The following PHGDH variants were observed in gnomAD, a reference collection of about 807,000 sequenced individuals.
The protein encoded by PHGDH is D-3-phosphoglycerate dehydrogenase.
Under a neutral mutation model 52.6 loss-of-function variants are expected in PHGDH, and 50 were observed. The observed-to-expected ratio is 0.95, with a 90% confidence interval of 0.76 to 1.20. The LOEUF is 1.20. Ranked by LOEUF, PHGDH falls within the 50% of genes most tolerant of loss-of-function variation. The pLI, the probability that PHGDH is intolerant of heterozygous loss-of-function variation, is 0.00. For synonymous variants in PHGDH, 271 were observed against 280.5 expected (o/e 0.97, Z 0.34); for missense variants, 630 against 684.6 (o/e 0.92, Z 0.89).
Position 119,735,278 on chromosome 1 carries a change from G to A in PHGDH, c.644-17G>A. 1.9e-6 allele frequency: 3 copies of A among 1,614,128 alleles called. No individual in the cohort carries two copies. The highest frequency in any genetic ancestry group is 2.5e-6 in the Non-Finnish European group (3 of 1,180,020). The stretch of plus-strand genomic sequence containing the variant: ...CCTGGTGCTGCCCCAGCAGGAAGAT[G>A]CTTCGCTTTCTTCCAGGCTTGCTGA... On this transcript the variant is annotated splice_polypyrimidine_tract_variant and intron_variant, in intron 6 of 11. Coordinates refer to ENST00000641023, the MANE Select transcript of PHGDH (RefSeq NM_006623.4).
chr1:119,726,814 C>A (rs779749483), intron 3 of PHGDH, 37 bp from the exon 4 acceptor site: 6 of 1,590,610 alleles, frequency 3.8e-6, no homozygotes, highest in Non-Finnish European at 5.2e-6. Context: ...TGGCGGGAGT[C>A]CGAATGGACC....
intron 6 of PHGDH, 121 bp from the exon 7 acceptor site, chr1:119,735,174 C>A: frequency 7.6e-7 from 1 of 1,319,934 alleles, no homozygotes; most frequent in Non-Finnish European, 1.1e-6. Context: ...AGGCTGCCGT[C>A]CAGCAGGAGA....
chr1:119,742,666 C>G lies in PHGDH; in HGVS notation c.1210-141C>G, dbSNP rs377666313. ...GGGCACACAGCTTGGCCCATTTGCC[C>G]TCTCCCTTCTGGTCCTGAATTACTG... On this transcript the variant is annotated intron_variant, in intron 10 of 11. Coordinates refer to ENST00000641023, the MANE Select transcript of PHGDH (RefSeq NM_006623.4). The G allele has an allele frequency of 6.4e-5, 44 of 690,814 alleles. 1 individual carries two copies. In the African/African-American group the frequency reaches 6.5e-4, roughly 10 times the overall value. The allele number at this position is 690,814 out of a possible 1,614,324, so 42.8% of individuals were successfully genotyped here.
At chr1:119,715,859 CAAAG>C (rs1650909596) in intron 1 of PHGDH, 1 of 152,368 alleles carries the variant, frequency 6.6e-6, no homozygotes, top group African/African-American at 2.4e-5. Flanking sequence ...CAAGGAATGA[CAAAG>C]AGAGGGGAGG....
intron 5 of PHGDH, among the ~76,000 whole-genome samples, chr1:119,733,693 A>G (rs587745483): frequency 3.9e-5 from 6 of 152,328 alleles, no homozygotes; most frequent in East Asian, 3.9e-4. Flanking sequence ...GTAATTTATG[A>G]ATAATGTAGT....
chr1:119,737,148 A>C lies in PHGDH; in HGVS notation c.827A>C (p.Glu276Ala), dbSNP rs1651975372. 1.9e-6 allele frequency: 3 copies of C among 1,614,074 alleles called. No individual in the cohort carries two copies. The highest frequency in any genetic ancestry group is 1.7e-5 in the Admixed American group (1 of 60,010). The change falls in exon 8 of 12, where the codon GAG becomes GCG. Residue 276 changes from glutamate to alanine, a missense_variant. Glu to Ala is a moderately radical substitution (Grantham distance 107). Transcript: ENST00000641023. ...CGGGACCGGGCCTTGGTGGACCATG[A>C]GAATGTCATCAGCTGTCCCCACCTG... The part of the protein sequence containing the change: ...PPRDRALVDH[E>A]NVISCPHLGA...
chr1:119,735,340 G>C lies in PHGDH; in HGVS notation c.689G>C (p.Arg230Pro). The C allele has an allele frequency of 6.2e-7, 1 of 1,614,216 alleles. No individual in the cohort carries two copies. The highest frequency in any genetic ancestry group is 8.5e-7 in the Non-Finnish European group (1 of 1,180,026). ...NTFAQCKKGV[R>P]VVNCARGGIV... ...TTTGCCCAGTGCAAGAAGGGGGTGC[G>C]TGTGGTGAACTGTGCCCGTGGAGGG... The change falls in exon 7 of 12, where the codon CGT (arginine) becomes CCT (proline). Residue 230 changes from arginine to proline, a missense_variant. Arg to Pro is a moderately radical substitution (Grantham distance 103, BLOSUM62 -2). Coordinates refer to ENST00000641023, the MANE Select transcript of PHGDH (RefSeq NM_006623.4).
intron 1 of PHGDH, among the ~76,000 whole-genome samples, chr1:119,718,207 G>A (rs1459165766): frequency 1.3e-5 from 2 of 152,196 alleles, no homozygotes; most frequent in African/African-American, 4.8e-5. Flanking sequence ...GTGTCTAAAT[G>A]CTGTATTTGG....
chr1:119,718,495 A>G (rs587612030), intron 1 of PHGDH, among the ~76,000 whole-genome samples: 7 of 152,316 alleles, frequency 4.6e-5, no homozygotes, highest in South Asian at 2.1e-4. Flanking sequence ...CTCTGGCCCT[A>G]TCTTCTTGAC....
At chr1:119,735,521 C>T (rs587597977) in intron 7 of PHGDH, 78 bp downstream of exon 7, 4 of 1,413,662 alleles carry the variant, frequency 2.8e-6, no homozygotes, top group East Asian at 4.6e-5. Flanking sequence ...GAAAGCCTGG[C>T]GTTTTACAGA....
chr1:119,739,274 G>A (rs1428625133), intron 8 of PHGDH, among the ~76,000 whole-genome samples: 4 of 152,288 alleles, frequency 2.6e-5, no homozygotes, highest in East Asian at 1.9e-4. Context: ...AGGTGCCTGC[G>A]TTATGGGCCC....
At chr1:119,729,455 G>A (rs1651592746) in intron 5 of PHGDH, 1 of 152,246 alleles carries the variant, frequency 6.6e-6, no homozygotes, top group Non-Finnish European at 1.5e-5. Flanking sequence ...GCCGTTCCAA[G>A]GCTCCTGCCC....
chr1:119,743,784 C>T, intron 11 of PHGDH, 102 bp from the exon 12 acceptor site: 1 of 893,284 alleles, frequency 1.1e-6, no homozygotes, highest in South Asian at 1.3e-5. Context: ...CCGCTCATTG[C>T]ACCTTTGATC....
chr1:119,735,772 A>T (rs1387761194), intron 7 of PHGDH, among the ~76,000 whole-genome samples: 1 of 152,228 alleles, frequency 6.6e-6, no homozygotes, highest in Non-Finnish European at 1.5e-5. Flanking sequence ...TGGAGCAGGA[A>T]GAGAGGGGGC....
At chr1:119,716,443 G>A (rs1384968658) in intron 1 of PHGDH, among the ~76,000 whole-genome samples, 1 of 152,172 alleles carries the variant, frequency 6.6e-6, no homozygotes, top group African/African-American at 2.4e-5. Flanking sequence ...GTGGACTTTG[G>A]GGAGTCTGCA....
chr1:119,723,468 T>C (rs770225340), intron 3 of PHGDH, 27 bp downstream of exon 3: 4 of 1,562,610 alleles, frequency 2.6e-6, no homozygotes, highest in Non-Finnish European at 3.5e-6. Context: ...TCAGCAAAGC[T>C]AGTCTCTCCG....
Position 119,721,163 on chromosome 1 carries a change from G to C in PHGDH, c.139-7G>C, listed in dbSNP as rs1460987400. The C allele has an allele frequency of 6.2e-7, 1 of 1,614,040 alleles. No individual in the cohort carries two copies. The highest frequency in any genetic ancestry group is 8.5e-7 in the Non-Finnish European group (1 of 1,179,902). On this transcript the variant is annotated splice_polypyrimidine_tract_variant and splice_region_variant and intron_variant, in intron 1 of 11. Coordinates refer to ENST00000641023, the MANE Select transcript of PHGDH (RefSeq NM_006623.4). Reference sequence around the variant, plus strand: ...CTTTCTGGACCCAAATGTTTTTTCTGCTTCAGGACTGTGAAGGCCTTATTG... The same window carrying C: ...CTTTCTGGACCCAAATGTTTTTTCTCCTTCAGGACTGTGAAGGCCTTATTG...
rs137883715 is a variant in PHGDH, at chr1:119,732,399, C to T, written c.511-2235C>T. ...CATGTTTCTCCCCAAGGCTTCTCTC[C>T]GGGAGTAGTCTTTGAATGGTGGGTA... On this transcript the variant is annotated intron_variant, in intron 5 of 11. Coordinates refer to ENST00000641023, the MANE Select transcript of PHGDH (RefSeq NM_006623.4). Among the ~76,000 whole-genome samples the T allele has an allele frequency of 1.9e-4, 29 of 152,292 alleles. No homozygotes were observed. In the East Asian group the frequency reaches 1.9e-3, roughly 10 times the overall value.
chr1:119,727,247 A>G, intron 5 of PHGDH, 145 bp downstream of exon 5: 2 of 693,050 alleles, frequency 2.9e-6, no homozygotes, highest in South Asian at 3.1e-5. Context: ...GTTAAAGTCA[A>G]GGAGGGAGAG....
Sources: allele counts gnomAD v4.1 joint callset (sites outside exome capture counted in the v4.1 genomes callset), GRCh38; gene constraint gnomAD v4.1.1; transcripts MANE v1.5; gene names NCBI Gene and HGNC (gene_info 2026-07-23, HGNC 2026-07-21).